The following SETX variants were observed in gnomAD, a reference collection of about 807,000 sequenced individuals.
SETX encodes the protein senataxin, also known as helicase senataxin.
In SETX, 90 loss-of-function variants were observed where a neutral mutation model predicts 227.2. The ratio of observed to expected loss-of-function variants is 0.40; its 90% CI spans 0.33 to 0.47. The LOEUF is 0.47. Ranked by LOEUF, SETX falls within the 20% of genes least tolerant of loss-of-function variation. The probability of loss-of-function intolerance (pLI) is 0.91; values close to 1 mark genes in which losing one functional copy is unlikely to be tolerated. For missense variants in SETX, 3,052 were observed against 3,181.5 expected (o/e 0.96, Z 0.98); for synonymous variants, 1,210 against 1,113.2 (o/e 1.09, Z -1.73).
At chr9:132,338,389 C>T (rs1450525691) in intron 5 of SETX, among the ~76,000 whole-genome samples, 7 of 152,092 alleles carry the variant, frequency 4.6e-5, no homozygotes, top group African/African-American at 1.7e-4. Context: ...CCGTGCCCAG[C>T]CTCACTTATT....
rs1201795087 is a variant in SETX at position 132,269,639 on chromosome 9, G to A, written c.7263C>T (p.Ile2421=). The A allele has an allele frequency of 2.5e-6, 4 of 1,614,080 alleles. No individual in the cohort carries two copies. Among genetic ancestry groups the A allele is most frequent in the African/African-American group, 1.3e-5 (1 of 74,938 alleles). The change falls in exon 25 of 26, where the codon ATC becomes ATT. Residue 2421 remains isoleucine, a synonymous_variant. Coordinates refer to ENST00000224140, the MANE Select transcript of SETX (RefSeq NM_015046.7). The stretch of plus-strand genomic sequence containing the variant: ...CCATCAGGGTCCTCAAATGTCCGAG[G>A]ATGAAGAGGCTGTACTTGGCTCGTG... ...TITRAKYSLF[I]LGHLRTLMEN...
rs1336558587 is a variant in SETX at position 132,326,957 on chromosome 9, T to C, written c.4641A>G (p.Thr1547=). ...SRPQLESLSG[T]KCKYKDCLET... The stretch of plus-strand genomic sequence containing the variant: ...CAAGACAATCTTTGTACTTACACTT[T>C]GTGCCACTCAAAGATTCCAACTGAG... Residue 1547 remains threonine, a synonymous_variant, in exon 10 of 26, where the codon ACA becomes ACG. Transcript: ENST00000224140. The C allele has an allele frequency of 7.4e-6, 12 of 1,614,140 alleles. No individual in the cohort carries two copies. The African/African-American group carries it at 1.6e-4, about 22-fold the overall frequency.
Position 132,283,331 on chromosome 9 carries a change from C to T in SETX, c.6479G>A (p.Gly2160Asp). ...ACGGAAAGCAGACTCAAGTAGTAAA[C>T]CACCACTTGTGCTCAACGTGCAGCA... ...IICCTLSTSG[G>D]LLLESAFRGQ... is the part of the protein sequence containing the mutation. The change falls in exon 19 of 26, where the codon GGT (glycine) becomes GAT (aspartate). Residue 2160 changes from glycine to aspartate, a missense_variant. This residue lies in a region of SETX where 412 missense variants were observed against 589.0 expected (regional missense o/e 0.70). Coordinates refer to ENST00000224140, the MANE Select transcript of SETX (RefSeq NM_015046.7). The T allele has an allele frequency of 6.2e-7, 1 of 1,614,146 alleles. No homozygotes were observed. The highest frequency in any genetic ancestry group is 1.1e-5 in the South Asian group (1 of 91,086).
In SETX at chr9:132,334,852, T is replaced by G. The variant is rs1274348531; in HGVS notation, c.719-125A>C. 3 of 1,016,076 alleles carry G rather than the reference T, an allele frequency of 3.0e-6. No individual in the cohort carries two copies. The African/African-American group carries it at 4.8e-5, about 16-fold the overall frequency. The allele number at this position is 1,016,076 out of a possible 1,614,324, so 62.9% of individuals were successfully genotyped here. ...GATAGTATTTAGTTTCTCAAACATT[T>G]AAGTCTCAGATATTCATACACAACT... is the stretch of plus-strand genomic sequence containing the variant. On this transcript the variant is annotated intron_variant, in intron 6 of 25. Coordinates refer to ENST00000224140, the MANE Select transcript of SETX (RefSeq NM_015046.7).
chr9:132,352,426 A>G (rs1407160104), intron 2 of SETX, among the ~76,000 whole-genome samples: 1 of 152,158 alleles, frequency 6.6e-6, no homozygotes, highest in Admixed American at 6.5e-5. Flanking sequence ...TACTGCCTAG[A>G]TTGAAGCTGC....
intron 25 of SETX, 92 bp from the exon 26 acceptor site, chr9:132,265,077 T>C: frequency 7.1e-7 from 1 of 1,410,248 alleles, no homozygotes; most frequent in Non-Finnish European, 9.9e-7. Flanking sequence ...GAACAAATAA[T>C]ACATATTATT....
At position 132,328,786 on chromosome 9, in the gene SETX, A is replaced by T; in HGVS notation, c.2812T>A (p.Leu938Met). ...ATGTCAGGGGCCTGTTCTCTTGTCA[A>T]GTTAGAATAAATCACACTGGTACTA... ...SNSTSVIYSN[L>M]TREQAPDISP... The change falls in exon 10 of 26, where the codon TTG (leucine) becomes ATG (methionine). Residue 938 changes from leucine to methionine, a missense_variant. Leu to Met is a conservative substitution (Grantham distance 15). Around this residue, in one of 10 missense-constraint regions of SETX, gnomAD observed 1,483 missense variants for 1,312.0 expected, o/e 1.13. Transcript: ENST00000224140. The T allele has an allele frequency of 6.2e-7, 1 of 1,610,994 alleles. No homozygotes were observed. Among genetic ancestry groups the T allele is most frequent in the Non-Finnish European group, 8.5e-7 (1 of 1,178,776 alleles).
At chr9:132,314,664 G>A (rs550091728) in intron 10 of SETX, among the ~76,000 whole-genome samples, 1 of 152,124 alleles carries the variant, frequency 6.6e-6, no homozygotes, top group East Asian at 1.9e-4. Context: ...ATCTTCAAAG[G>A]AGGTCTGAGT....
At chr9:132,330,533 TA>T in intron 9 of SETX, 34 bp from the exon 10 acceptor site, 1 of 1,580,038 alleles carries the variant, frequency 6.3e-7, no homozygotes. Flanking sequence ...TTCAGATAAA[TA>T]AGCACCACTT....
At chr9:132,326,281 C>G in intron 10 of SETX, 43 bp downstream of exon 10, 1 of 1,429,372 alleles carries the variant, frequency 7.0e-7, no homozygotes. Context: ...AAAGAGGTAA[C>G]TTGAAAAGTT....
rs1396220054 is a variant in SETX, at chr9:132,345,410, A to T, written c.388+851T>A. Among the ~76,000 whole-genome samples, 5 of 152,242 alleles carry T rather than the reference A, an allele frequency of 3.3e-5. No individual in the cohort carries two copies. In the East Asian group the frequency reaches 9.7e-4, roughly 29 times the overall value. Reference sequence around the variant, plus strand: ...TGCCTCAGCCTCCTGAGTAGCTGGGATTACAGGTGCCTGCCACCACACCTG... The same window carrying T: ...TGCCTCAGCCTCCTGAGTAGCTGGGTTTACAGGTGCCTGCCACCACACCTG... On this transcript the variant is annotated intron_variant, in intron 4 of 25. Transcript: ENST00000224140.
chr9:132,347,800 T>C (rs1048066937), intron 3 of SETX, among the ~76,000 whole-genome samples: 2 of 152,096 alleles, frequency 1.3e-5, no homozygotes, highest in African/African-American at 4.8e-5. Context: ...AGACGCTGGA[T>C]AGCTTCATAA....
chr9:132,297,536 C>A (rs1012721218), intron 13 of SETX, among the ~76,000 whole-genome samples: 3 of 152,208 alleles, frequency 2.0e-5, no homozygotes, highest in African/African-American at 7.2e-5. Context: ...TAGGCCACTA[C>A]GCTCCTAACC....
chr9:132,297,497 G>A (rs1844740607), intron 13 of SETX, among the ~76,000 whole-genome samples: 1 of 152,114 alleles, frequency 6.6e-6, no homozygotes, highest in Admixed American at 6.5e-5. Flanking sequence ...GGGAAGATCT[G>A]GGTGTAAGCT....
At chr9:132,305,574 A>T (rs1403888131) in intron 11 of SETX, among the ~76,000 whole-genome samples, 1 of 152,158 alleles carries the variant, frequency 6.6e-6, no homozygotes, top group East Asian at 1.9e-4. Flanking sequence ...TCCCAATCTG[A>T]CAGACTGAGA....
In SETX at chr9:132,336,376, G is replaced by T; in HGVS notation, c.638C>A (p.Ser213Tyr). ...GLLESPDIYTSSVLEKGKLIL... is the reference protein window; with the variant it reads ...GLLESPDIYTYSVLEKGKLIL... ...CAGTTTACCCTTCTCTAGGACAGAA[G>T]AAGTATAAATGTCTGGACTCTCTAA... The change falls in exon 6 of 26, where the codon TCT (serine) becomes TAT (tyrosine). Residue 213 changes from serine (S) to tyrosine (Y), a missense_variant. Physicochemically the swap from Ser to Tyr is moderately radical, Grantham distance 144 (BLOSUM62 -2). Around this residue, in one of 10 missense-constraint regions of SETX, gnomAD observed 239 missense variants for 240.8 expected, o/e 0.99. Coordinates refer to ENST00000224140, the MANE Select transcript of SETX (RefSeq NM_015046.7). The T allele has an allele frequency of 6.2e-7, 1 of 1,614,082 alleles. No homozygotes were observed. Among genetic ancestry groups the T allele is most frequent in the Non-Finnish European group, 8.5e-7 (1 of 1,179,968 alleles).
intron 20 of SETX, 124 bp downstream of exon 20, chr9:132,281,343 A>G: frequency 2.9e-6 from 2 of 701,262 alleles, no homozygotes; most frequent in Non-Finnish European, 2.6e-6. Context: ...CTCTTTTCTT[A>G]GTTACTGCTT....
intron 5 of SETX, among the ~76,000 whole-genome samples, chr9:132,336,913 AAAATT>A: frequency 6.6e-6 from 1 of 152,024 alleles, no homozygotes; most frequent in East Asian, 1.9e-4. Context: ...AAAATACAAA[AAAATT>A]AGCTGGACTT....
intron 5 of SETX, 53 bp downstream of exon 5, chr9:132,342,627 TTATAGCTATC>T (rs1848046166): frequency 8.6e-7 from 1 of 1,160,522 alleles, no homozygotes; most frequent in Non-Finnish European, 1.3e-6. Context: ...AAAACCGCTA[TTATAGCTATC>T]TATAGGTACA....
Sources: allele counts gnomAD v4.1 joint callset (sites outside exome capture counted in the v4.1 genomes callset), GRCh38; gene constraint gnomAD v4.1.1; regional missense constraint gnomAD v4.1.1; transcripts MANE v1.5; gene names NCBI Gene and HGNC (gene_info 2026-07-23, HGNC 2026-07-21).